The following GRIK3 variants were observed in gnomAD, a reference collection of about 807,000 sequenced individuals.
GRIK3 encodes glutamate ionotropic receptor kainate type subunit 3, also known as glutamate receptor ionotropic, kainate 3.
Under a neutral mutation model 102.5 loss-of-function variants are expected in GRIK3, and 29 were observed. The observed-to-expected ratio is 0.28, with a 90% CI of 0.21 to 0.39. GRIK3 has a LOEUF of 0.39. GRIK3 is among the 10% of genes least tolerant of loss of function. The probability of loss-of-function intolerance (pLI) is 1.00; values close to 1 mark genes in which losing one functional copy is unlikely to be tolerated. For missense variants in GRIK3, 908 were observed against 1,252.4 expected (o/e 0.73, Z 4.15); for synonymous variants, 511 against 504.9 (o/e 1.01, Z -0.16).
chr1:36,913,459 G>A (rs1461570663), intron 1 of GRIK3, among the ~76,000 whole-genome samples: 1 of 152,166 alleles, frequency 6.6e-6, no homozygotes, highest in Non-Finnish European at 1.5e-5. Flanking sequence ...AATATCAATT[G>A]CTATGCAGGT....
At chr1:36,887,519 G>T (rs1641053279) in intron 2 of GRIK3, among the ~76,000 whole-genome samples, 1 of 152,028 alleles carries the variant, frequency 6.6e-6, no homozygotes, top group Admixed American at 6.5e-5. Flanking sequence ...CACTTTAGGA[G>T]GCTGAGGTGG....
intron 2 of GRIK3, among the ~76,000 whole-genome samples, chr1:36,882,876 C>A (rs1012696910): frequency 1.3e-5 from 2 of 152,228 alleles, no homozygotes; most frequent in Non-Finnish European, 2.9e-5. Context: ...TTTGCATGAA[C>A]CAAGACTTAC....
At chr1:36,966,508 G>A (rs554555650) in intron 1 of GRIK3, among the ~76,000 whole-genome samples, 1 of 152,280 alleles carries the variant, frequency 6.6e-6, no homozygotes. Flanking sequence ...GGCTGAGGAT[G>A]ACCTTGGTCT....
intron 1 of GRIK3, among the ~76,000 whole-genome samples, chr1:36,895,177 G>A (rs1396884911): frequency 6.6e-6 from 1 of 152,104 alleles, no homozygotes; most frequent in Non-Finnish European, 1.5e-5. Flanking sequence ...AATCACTAAA[G>A]GCCTTATTTT....
intron 1 of GRIK3, among the ~76,000 whole-genome samples, chr1:36,926,184 G>A (rs556417924): frequency 6.6e-6 from 1 of 152,132 alleles, no homozygotes; most frequent in Admixed American, 6.5e-5. Context: ...CCTACCCTTT[G>A]CCCCCTGCCC....
At chr1:36,949,988 G>T (rs1208831353) in intron 1 of GRIK3, among the ~76,000 whole-genome samples, 1 of 152,146 alleles carries the variant, frequency 6.6e-6, no homozygotes, top group African/African-American at 2.4e-5. Context: ...TCAGAGCCAG[G>T]ATTTGAATCC....
chr1:36,916,883 C>T (rs1641408024), intron 1 of GRIK3, among the ~76,000 whole-genome samples: 1 of 152,178 alleles, frequency 6.6e-6, no homozygotes, highest in Non-Finnish European at 1.5e-5. Flanking sequence ...TCTATTGGGG[C>T]ACCACCTAGT....
chr1:36,906,168 C>T (rs1053887698), intron 1 of GRIK3, among the ~76,000 whole-genome samples: 3 of 152,178 alleles, frequency 2.0e-5, no homozygotes, highest in Non-Finnish European at 4.4e-5. Context: ...TGCTGAACCC[C>T]GCAGGGCAGC....
At chr1:36,837,484 A>G (rs1451671986) in intron 10 of GRIK3, among the ~76,000 whole-genome samples, 3 of 151,728 alleles carry the variant, frequency 2.0e-5, no homozygotes, top group Non-Finnish European at 4.4e-5. Flanking sequence ...CTGTGCATCT[A>G]CTTCCCTCCT....
intron 15 of GRIK3, chr1:36,804,712 T>C (rs1642478503): frequency 1.8e-6 from 1 of 549,122 alleles, no homozygotes; most frequent in African/African-American, 1.9e-5. Flanking sequence ...GTGGATGGTG[T>C]TGGGGAAGCA....
At position 36,964,132 on chromosome 1, in the gene GRIK3, T is replaced by C. The variant is rs185197366; in HGVS notation, c.115+69862A>G. On this transcript the variant is annotated intron_variant, in intron 1 of 15. Coordinates refer to ENST00000373091, the MANE Select transcript of GRIK3 (RefSeq NM_000831.4). The stretch of plus-strand genomic sequence containing the variant: ...GGGCAAGAAGAGAGTCACTCATTAG[T>C]ATGGGGACACCAGGCTGCTTACACA... Among the ~76,000 whole-genome samples the C allele has an allele frequency of 7.1e-3, 1,077 of 152,278 alleles. 6 individuals are homozygous for C. The highest frequency in any genetic ancestry group is 0.018 in the Admixed American group (275 of 15,298).
At chr1:37,016,624 C>A (rs12048566) in intron 1 of GRIK3, among the ~76,000 whole-genome samples, 1 of 152,098 alleles carries the variant, frequency 6.6e-6, no homozygotes, top group East Asian at 1.9e-4. Flanking sequence ...ACTTTTCCTT[C>A]TTAACTTTAC....
chr1:36,808,739 G>T (rs1642527616), intron 13 of GRIK3, among the ~76,000 whole-genome samples: 1 of 152,198 alleles, frequency 6.6e-6, no homozygotes, highest in South Asian at 2.1e-4. Context: ...CCCACAAGCT[G>T]TGAGATAGCA....
intron 10 of GRIK3, among the ~76,000 whole-genome samples, chr1:36,828,073 G>GAA (rs34670494): frequency 0.037 from 4,604 of 125,698 alleles, 251 homozygotes; most frequent in African/African-American, 0.12. Context: ...AAAGAAAGCA[G>GAA]AAAAAAAAAA....
chr1:36,813,996 G>T (rs1455376060), intron 13 of GRIK3, among the ~76,000 whole-genome samples: 1 of 152,192 alleles, frequency 6.6e-6, no homozygotes, highest in African/African-American at 2.4e-5. Flanking sequence ...TGGAGTTGTT[G>T]TTTCTGACCC....
Position 36,872,489 on chromosome 1 carries a change from G to T in GRIK3, c.551-120C>A. 1 of 740,032 alleles carries T rather than the reference G, an allele frequency of 1.4e-6. No individual in the cohort carries two copies. Among genetic ancestry groups the T allele is most frequent in the Non-Finnish European group, 2.1e-6 (1 of 469,166 alleles). 45.8% of individuals were successfully genotyped at this position (740,032 alleles called of 1,614,324 possible). On this transcript the variant is annotated intron_variant, in intron 3 of 15. Transcript: ENST00000373091. This position sits in a 1 kb window ranked among gnomAD's most constrained non-coding sequence, Gnocchi z 5.9. ...GCCACAGGTCTGCAGACATACACGGGCAGAAACGTGGCCCACAGAGACTTG... is the reference window on the plus strand; with the variant it reads ...GCCACAGGTCTGCAGACATACACGGTCAGAAACGTGGCCCACAGAGACTTG...
intron 1 of GRIK3, among the ~76,000 whole-genome samples, chr1:37,004,609 G>C (rs1642512314): frequency 6.6e-6 from 1 of 152,198 alleles, no homozygotes; most frequent in Non-Finnish European, 1.5e-5. Context: ...ACCATGGCAG[G>C]GAGGGACATC....
chr1:36,907,785 C>T (rs909891770), intron 1 of GRIK3, among the ~76,000 whole-genome samples: 2 of 152,080 alleles, frequency 1.3e-5, no homozygotes, highest in Non-Finnish European at 1.5e-5. Context: ...ATGGGACATC[C>T]AAGCAGCAAA....
intron 1 of GRIK3, among the ~76,000 whole-genome samples, chr1:36,921,724 G>C (rs1306331546): frequency 6.6e-6 from 1 of 151,912 alleles, no homozygotes; most frequent in Non-Finnish European, 1.5e-5. Flanking sequence ...TTCTTTCTTA[G>C]GGAAGTACAT....
Sources: gnomAD v4.1 joint callset for allele counts (sites outside exome capture counted in the v4.1 genomes callset) on GRCh38, gnomAD v4.1.1 for gene constraint, Gnocchi (gnomAD v3.1) non-coding constraint, MANE v1.5 for transcripts, NCBI Gene and HGNC (gene_info 2026-07-23, HGNC 2026-07-21) for gene names.